SASH1: variants seen among roughly 807,000 people sequenced by gnomAD.
SASH1 encodes the protein SAM and SH3 domain containing 1.
In SASH1, 44 loss-of-function variants were observed where a neutral mutation model predicts 125.2. The ratio of observed to expected loss-of-function variants is 0.35; its 90% CI spans 0.28 to 0.45. The LOEUF is 0.45. Ranked by LOEUF, SASH1 falls within the 20% of genes least tolerant of loss-of-function variation. The pLI is 1.00. For synonymous variants in SASH1, 639 were observed against 649.1 expected (o/e 0.98, Z 0.24); for missense variants, 1,426 against 1,614.5 (o/e 0.88, Z 2.00).
At chr6:148,276,026 C>T (rs56154001) in intron 1 of SASH1, among the ~76,000 whole-genome samples, 4,305 of 152,252 alleles carry the variant, frequency 0.028, 211 homozygotes, top group African/African-American at 0.099. Flanking sequence ...TAGCCTACTT[C>T]TACTTTTTTG....
chr6:148,349,252 CTTTTTTTTTTTT>C lies in SASH1; in HGVS notation c.156+6047_156+6058del, dbSNP rs11317386. ...TTATTTCATTCTTTCTTCTTTCTTT[CTTTTTTTTTTTT>C]TTTTTTTTTTTTTTTTTGAGTGAGT... On this transcript the variant is annotated intron_variant, in intron 1 of 19. Transcript: ENST00000367467. Among the ~76,000 whole-genome samples, 189 of 47,056 alleles carry C rather than the reference CTTTTTTTTTTTT, an allele frequency of 4.0e-3. 2 individuals are homozygous for C. Among genetic ancestry groups the C allele is most frequent in the African/African-American group, 0.014 (168 of 11,760 alleles). The allele number at this position is 47,056 out of a possible 152,430, so 30.9% of individuals were successfully genotyped here.
chr6:148,205,347 C>T, the SASH1 span, among the ~76,000 whole-genome samples: 1 of 152,224 alleles, frequency 6.6e-6, no homozygotes, highest in Non-Finnish European at 1.5e-5. Flanking sequence ...GGTTGCCCAT[C>T]AGCCTTTGCC....
At chr6:148,332,761 C>T (rs528429938) in intron 1 of SASH1, among the ~76,000 whole-genome samples, 9 of 152,028 alleles carry the variant, frequency 5.9e-5, no homozygotes, top group South Asian at 2.1e-4. Flanking sequence ...CTGAGGCGGG[C>T]GGATCACCGA....
intron 2 of SASH1, 106 bp from the exon 3 acceptor site, chr6:148,440,078 C>A: frequency 9.5e-7 from 1 of 1,051,522 alleles, no homozygotes; most frequent in Non-Finnish European, 1.5e-6. Context: ...CCACTCTATA[C>A]CCCAACCTTT....
chr6:148,251,926 T>A, the SASH1 span, among the ~76,000 whole-genome samples: 3,315 of 146,808 alleles, frequency 0.023, 115 homozygotes, highest in African/African-American at 0.079. Context: ...AGTGAGAACA[T>A]GCGGTGTTTG....
intron 1 of SASH1, among the ~76,000 whole-genome samples, chr6:148,329,856 T>C (rs560282502): frequency 2.6e-5 from 4 of 151,356 alleles, no homozygotes; most frequent in African/African-American, 7.3e-5. Context: ...GTTTTCTTTC[T>C]TTTTTTTTCA....
chr6:148,484,158 G>A (rs1391791412), intron 7 of SASH1, among the ~76,000 whole-genome samples: 2 of 152,128 alleles, frequency 1.3e-5, no homozygotes, highest in Admixed American at 1.3e-4. Flanking sequence ...GCTCTTTATA[G>A]TAAGTACTAG....
intron 4 of SASH1, among the ~76,000 whole-genome samples, chr6:148,454,311 G>A (rs1298116104): frequency 3.3e-5 from 5 of 152,226 alleles, no homozygotes; most frequent in African/African-American, 1.2e-4. Context: ...CTATAGCAGG[G>A]CCCCATGCCC....
chr6:148,216,910 TAG>T, the SASH1 span, among the ~76,000 whole-genome samples: 1 of 151,966 alleles, frequency 6.6e-6, no homozygotes, highest in Non-Finnish European at 1.5e-5. Flanking sequence ...TTGTTTTTAG[TAG>T]AGACGGGTTT....
the SASH1 span, among the ~76,000 whole-genome samples, chr6:148,213,043 A>G: frequency 6.6e-6 from 1 of 152,196 alleles, no homozygotes; most frequent in Admixed American, 6.6e-5. Flanking sequence ...TGCCTGTGAC[A>G]TCTCCCACAG....
chr6:148,520,898 G>A (rs1216543079), intron 10 of SASH1, among the ~76,000 whole-genome samples: 2 of 152,188 alleles, frequency 1.3e-5, no homozygotes, highest in Non-Finnish European at 2.9e-5. Flanking sequence ...GAGGCAAGCA[G>A]AAAGTTCGTA....
At chr6:148,199,312 G>A in the SASH1 span, among the ~76,000 whole-genome samples, 1 of 151,854 alleles carries the variant, frequency 6.6e-6, no homozygotes, top group East Asian at 1.9e-4. Context: ...GGCAGAGGTT[G>A]CAGTGAGTTG....
chr6:148,393,371 A>G (rs912057725), intron 2 of SASH1, among the ~76,000 whole-genome samples: 1 of 152,002 alleles, frequency 6.6e-6, no homozygotes, highest in African/African-American at 2.4e-5. Flanking sequence ...GAATGTTGCA[A>G]TTCTTGCCTC....
the SASH1 span, among the ~76,000 whole-genome samples, chr6:148,257,865 G>C: frequency 6.6e-6 from 1 of 152,102 alleles, no homozygotes; most frequent in Non-Finnish European, 1.5e-5. Flanking sequence ...TCTTGACCCT[G>C]TGATCCGCCC....
At chr6:148,308,626 C>T (rs988868537) in intron 1 of SASH1, among the ~76,000 whole-genome samples, 4 of 150,864 alleles carry the variant, frequency 2.7e-5, no homozygotes, top group African/African-American at 4.9e-5. Context: ...GAACTCCTGA[C>T]GTCAGGTGAT....
At chr6:148,344,115 A>T (rs994996427) in intron 1 of SASH1, among the ~76,000 whole-genome samples, 1 of 152,212 alleles carries the variant, frequency 6.6e-6, no homozygotes, top group Non-Finnish European at 1.5e-5. Context: ...TGGGAATGAT[A>T]AACCGTGTAC....
chr6:148,514,117 C>T (rs907287675), intron 8 of SASH1: 15 of 1,312,276 alleles, frequency 1.1e-5, no homozygotes, highest in Non-Finnish European at 1.5e-5. Context: ...TGTGTGTTTC[C>T]GTGCCTAGGA....
chr6:148,469,894 C>T (rs1173928457), intron 5 of SASH1, among the ~76,000 whole-genome samples: 3 of 151,874 alleles, frequency 2.0e-5, no homozygotes, highest in South Asian at 2.1e-4. Flanking sequence ...GGCGTGGTGG[C>T]TCCTGCCTGC....
At chr6:148,249,370 C>T in the SASH1 span, among the ~76,000 whole-genome samples, 1 of 151,230 alleles carries the variant, frequency 6.6e-6, no homozygotes, top group Non-Finnish European at 1.5e-5. Flanking sequence ...CACATGCGCA[C>T]GTGGGCTGAT....
Sources: gnomAD v4.1 joint callset for allele counts (sites outside exome capture counted in the v4.1 genomes callset) on GRCh38, gnomAD v4.1.1 for gene constraint, MANE v1.5 for transcripts, NCBI Gene and HGNC (gene_info 2026-07-23, HGNC 2026-07-21) for gene names.